Variants in AVEN observed in about 807,000 individuals in gnomAD.
AVEN encodes apoptosis and caspase activation inhibitor, also known as cell death regulator Aven.
Under a neutral mutation model 38.1 loss-of-function variants are expected in AVEN, and 41 were observed. The observed-to-expected ratio is 1.08, with a 90% CI of 0.84 to 1.40. The LOEUF is 1.40. Ranked by LOEUF, AVEN falls within the 40% of genes most tolerant of loss-of-function variation. The pLI is 0.00. For synonymous variants in AVEN, 206 were observed against 171.8 expected (o/e 1.20, Z -1.56); for missense variants, 605 against 438.8 (o/e 1.38, Z -3.38).
downstream of AVEN, chr15:33,865,335 TCCC>T: frequency 2.6e-6 from 2 of 759,426 alleles, no homozygotes; most frequent in South Asian, 1.9e-5. Flanking sequence ...TCTAAATGCC[TCCC>T]TTAAAAAAAA....
In AVEN at chr15:33,961,692, A is replaced by G. The variant is rs552714718; in HGVS notation, c.445+41340T>C. Among the ~76,000 whole-genome samples the G allele has an allele frequency of 4.6e-5, 7 of 151,444 alleles. No individual in the cohort carries two copies. In the South Asian group the frequency reaches 1.0e-3, roughly 23 times the overall value. On this transcript the variant is annotated intron_variant, in intron 2 of 5. Transcript: ENST00000306730. ...GCCGGGCGTGGTGGCGGGCACCTGTAGTCCCAGCTACTCGGGAGGCTGAGG... is the reference window on the plus strand; with the variant it reads ...GCCGGGCGTGGTGGCGGGCACCTGTGGTCCCAGCTACTCGGGAGGCTGAGG...
chr15:33,882,920 A>G (rs1313328969), intron 2 of AVEN, among the ~76,000 whole-genome samples: 1 of 152,126 alleles, frequency 6.6e-6, no homozygotes, highest in Non-Finnish European at 1.5e-5. Context: ...AGAAAATTAG[A>G]AATAAATATA....
At chr15:33,869,746 A>C (rs951521476) in intron 4 of AVEN, among the ~76,000 whole-genome samples, 10 of 152,200 alleles carry the variant, frequency 6.6e-5, no homozygotes, top group African/African-American at 2.4e-4. Flanking sequence ...CAAGCTTAGC[A>C]TCACATTCAC....
At chr15:33,992,335 A>C (rs928410322) in intron 2 of AVEN, among the ~76,000 whole-genome samples, 1 of 151,932 alleles carries the variant, frequency 6.6e-6, no homozygotes, top group Non-Finnish European at 1.5e-5. Context: ...GCTTGCAGTG[A>C]GCCGAGATTG....
At chr15:33,854,294 T>G, downstream of AVEN, 1 of 948,460 alleles carries the variant, frequency 1.1e-6, no homozygotes. Context: ...TTTAGGTTAT[T>G]AAACCTGAGA....
intron 2 of AVEN, among the ~76,000 whole-genome samples, chr15:33,894,296 C>G (rs1005531357): frequency 6.6e-6 from 1 of 151,918 alleles, no homozygotes; most frequent in African/African-American, 2.4e-5. Context: ...AAGTGCAGAA[C>G]CAGGAAGGAG....
intron 5 of AVEN, among the ~76,000 whole-genome samples, chr15:34,051,414 A>C (rs961141806): frequency 2.0e-5 from 3 of 152,232 alleles, no homozygotes; most frequent in African/African-American, 7.2e-5. Context: ...TAAAAACCTA[A>C]CATCACAACA....
chr15:33,933,370 T>C (rs1271542612), intron 2 of AVEN, among the ~76,000 whole-genome samples: 1 of 152,056 alleles, frequency 6.6e-6, no homozygotes, highest in Non-Finnish European at 1.5e-5. Flanking sequence ...TTCAGCTCCA[T>C]ATGGAGATGG....
At chr15:33,913,059 T>C (rs1892979904) in intron 2 of AVEN, among the ~76,000 whole-genome samples, 1 of 152,072 alleles carries the variant, frequency 6.6e-6, no homozygotes, top group Non-Finnish European at 1.5e-5. Context: ...CCAGCTAATT[T>C]TGTATTTTTC....
intron 2 of AVEN, among the ~76,000 whole-genome samples, chr15:33,971,031 C>T (rs529750834): frequency 1.9e-4 from 29 of 151,818 alleles, no homozygotes; most frequent in African/African-American, 6.5e-4. Flanking sequence ...AAAAAAATAC[C>T]CTACAGCAAT....
upstream of AVEN, among the ~76,000 whole-genome samples, chr15:34,041,563 C>A (rs1899478136): frequency 6.6e-6 from 1 of 152,122 alleles, no homozygotes; most frequent in Admixed American, 6.5e-5. Context: ...GTTATTAGGG[C>A]ACATTCACTA....
At chr15:33,869,941 G>T (rs996592096) in intron 4 of AVEN, among the ~76,000 whole-genome samples, 5 of 150,088 alleles carry the variant, frequency 3.3e-5, no homozygotes, top group Non-Finnish European at 5.9e-5. Flanking sequence ...TCCTGAATTT[G>T]TATTTCTAGC....
chr15:33,995,583 C>T (rs1271872767), intron 2 of AVEN, among the ~76,000 whole-genome samples: 6 of 152,078 alleles, frequency 3.9e-5, no homozygotes, highest in Non-Finnish European at 7.4e-5. Context: ...GCAACAAAAC[C>T]AAAAATTGAC....
chr15:33,917,535 A>G (rs1028425138), intron 2 of AVEN, among the ~76,000 whole-genome samples: 5 of 143,912 alleles, frequency 3.5e-5, no homozygotes, highest in African/African-American at 1.3e-4. Context: ...GTATATATAT[A>G]TATATATCAA....
At chr15:33,957,552 C>T (rs757705492) in intron 2 of AVEN, among the ~76,000 whole-genome samples, 1 of 151,966 alleles carries the variant, frequency 6.6e-6, no homozygotes. Flanking sequence ...TTAATATTCA[C>T]GGAAGTTTTA....
chr15:34,068,904 C>A (rs532929519), intron 2 of AVEN, among the ~76,000 whole-genome samples: 1 of 151,018 alleles, frequency 6.6e-6, no homozygotes, highest in South Asian at 2.1e-4. Flanking sequence ...GTCCGCCTCC[C>A]GGGTTCACGC....
At chr15:33,956,506 C>T (rs758854230) in intron 2 of AVEN, among the ~76,000 whole-genome samples, 2 of 152,166 alleles carry the variant, frequency 1.3e-5, no homozygotes, top group Non-Finnish European at 2.9e-5. Flanking sequence ...CTGCTCATAG[C>T]CTTTGCCCAG....
At chr15:33,892,163 C>A (rs1357858057) in intron 2 of AVEN, among the ~76,000 whole-genome samples, 1 of 152,142 alleles carries the variant, frequency 6.6e-6, no homozygotes, top group East Asian at 1.9e-4. Context: ...AAATTTTCTC[C>A]GATTCTGTAG....
At chr15:33,989,669 C>CCTGAT (rs1294468576) in intron 2 of AVEN, among the ~76,000 whole-genome samples, 1 of 151,868 alleles carries the variant, frequency 6.6e-6, no homozygotes, top group Admixed American at 6.6e-5. Flanking sequence ...GAGCTTCTAC[C>CCTGAT]CTGATTTTCT....
Sources: gnomAD v4.1 joint callset for allele counts (sites outside exome capture counted in the v4.1 genomes callset) on GRCh38, gnomAD v4.1.1 for gene constraint, MANE v1.5 for transcripts, NCBI Gene and HGNC (gene_info 2026-07-23, HGNC 2026-07-21) for gene names.